SLC7A2: variants seen among roughly 807,000 people sequenced by gnomAD.
The protein encoded by SLC7A2 is cationic amino acid transporter 2.
Under a neutral mutation model 58.9 loss-of-function variants are expected in SLC7A2, and 48 were observed. The observed-to-expected ratio is 0.82, with a 90% CI of 0.65 to 1.04. The LOEUF is 1.04. Among genes scored for constraint, SLC7A2 ranks in the 50% least tolerant of loss-of-function variants. SLC7A2 has a pLI of 0.00. For missense variants in SLC7A2, 1,029 were observed against 818.8 expected, an observed-to-expected ratio of 1.26 and a Z score of -3.13; for synonymous variants, 363 against 314.5, an observed-to-expected ratio of 1.15 and a Z score of -1.63.
rs549116735 is a variant in SLC7A2 at position 17,502,711 on chromosome 8, T to C, written c.-23+409T>C. On this transcript the variant is annotated intron_variant, in intron 2 of 12. Coordinates refer to ENST00000494857, the MANE Select transcript of SLC7A2 (RefSeq NM_001370338.1). Reference sequence around the variant, plus strand: ...ACAGTTTTTAGTCTACTCAGGCAGATTATTTAAAGGAATCCTGGAATGAGT... The same window carrying C: ...ACAGTTTTTAGTCTACTCAGGCAGACTATTTAAAGGAATCCTGGAATGAGT... Among the ~76,000 whole-genome samples, 6 of 152,236 alleles carry C rather than the reference T, an allele frequency of 3.9e-5. No homozygotes were observed. The East Asian group carries it at 1.2e-3, about 30-fold the overall frequency.
chr8:17,567,970 C>T lies in SLC7A2; in HGVS notation c.*2824C>T, dbSNP rs1319589588. On this transcript the variant is annotated 3_prime_UTR_variant, in exon 13 of 13. Coordinates refer to ENST00000494857, the MANE Select transcript of SLC7A2 (RefSeq NM_001370338.1). ...TTAGCAAAAGTCAGTATCACCAGCT[C>T]TTTGGCACCTTTCTGTTTCTGCTTG... 6.6e-6 allele frequency: 1 copy of T among 151,664 alleles called. No individual in the cohort carries two copies. The highest frequency in any genetic ancestry group is 1.5e-5 in the Non-Finnish European group (1 of 68,008). 9.4% of individuals were successfully genotyped at this position (151,664 alleles called of 1,614,324 possible).
upstream of SLC7A2, among the ~76,000 whole-genome samples, chr8:17,496,802 C>G (rs1799968872): frequency 6.6e-6 from 1 of 152,234 alleles, no homozygotes; most frequent in East Asian, 1.9e-4. Flanking sequence ...TTTGGTCCTC[C>G]CAGGAGAGCA....
intron 9 of SLC7A2, among the ~76,000 whole-genome samples, chr8:17,559,436 G>T (rs147776719): frequency 1.3e-5 from 2 of 152,206 alleles, no homozygotes; most frequent in East Asian, 3.9e-4. Context: ...CATGGTGGTG[G>T]GCACCTGTTG....
chr8:17,554,628 A>C lies in SLC7A2; in HGVS notation c.1124A>C (p.Lys375Thr). 6.2e-7 allele frequency: 1 copy of C among 1,613,522 alleles called. No individual in the cohort carries two copies. Among genetic ancestry groups the C allele is most frequent in the African/African-American group, 1.3e-5 (1 of 75,016 alleles). ...YAMAEDGLLFKCLAQINSKTK... is the reference protein window; with the variant it reads ...YAMAEDGLLFTCLAQINSKTK... ...ATGGCGGAGGATGGGTTGCTTTTCAAATGTCTAGCTCAAATCAATTCCAAA... is the reference window on the plus strand; with the variant it reads ...ATGGCGGAGGATGGGTTGCTTTTCACATGTCTAGCTCAAATCAATTCCAAA... The change falls in exon 8 of 13, where the codon AAA (lysine) becomes ACA (threonine). Residue 375 changes from lysine (K) to threonine (T), a missense_variant. Lys to Thr is a moderately conservative substitution (Grantham distance 78, BLOSUM62 -1). Coordinates refer to ENST00000494857, the MANE Select transcript of SLC7A2 (RefSeq NM_001370338.1).
At chr8:17,555,201 A>G (rs761399134) in intron 8 of SLC7A2, 31 of 882,836 alleles carry the variant, frequency 3.5e-5, no homozygotes, top group Non-Finnish European at 4.7e-5. Context: ...AAAATCACTG[A>G]TAAAAATTAG....
At chr8:17,508,338 T>G (rs1307128167) in intron 2 of SLC7A2, among the ~76,000 whole-genome samples, 1 of 152,208 alleles carries the variant, frequency 6.6e-6, no homozygotes, top group East Asian at 1.9e-4. Flanking sequence ...CAAACAACCT[T>G]ATTGTTACTC....
At chr8:17,543,214 A>G in intron 2 of SLC7A2, 104 bp from the exon 3 acceptor site, 1 of 987,054 alleles carries the variant, frequency 1.0e-6, no homozygotes, top group Non-Finnish European at 1.5e-6. Flanking sequence ...ACACACACAC[A>G]CAAACACACA....
intron 12 of SLC7A2, 25 bp from the exon 13 acceptor site, chr8:17,564,925 A>ATTT: frequency 8.4e-7 from 1 of 1,194,792 alleles, no homozygotes. Context: ...TGAAACATTG[A>ATTT]TTTTTTTTTT....
intron 2 of SLC7A2, among the ~76,000 whole-genome samples, chr8:17,530,584 T>C (rs1322892939): frequency 6.6e-6 from 1 of 151,836 alleles, no homozygotes. Context: ...TTTTTTTTTT[T>C]TTTTTTGAGA....
At chr8:17,501,213 C>G (rs191832284) in intron 1 of SLC7A2, among the ~76,000 whole-genome samples, 1 of 152,126 alleles carries the variant, frequency 6.6e-6, no homozygotes, top group Non-Finnish European at 1.5e-5. Context: ...GGGGTTTCAC[C>G]ATGTTGCCCA....
intron 2 of SLC7A2, among the ~76,000 whole-genome samples, chr8:17,537,070 A>G (rs1476941377): frequency 6.6e-6 from 1 of 151,798 alleles, no homozygotes; most frequent in African/African-American, 2.4e-5. Flanking sequence ...TTATTTAGTT[A>G]TTTTCAGATG....
At chr8:17,535,360 C>T (rs1801619619) in intron 2 of SLC7A2, among the ~76,000 whole-genome samples, 2 of 152,118 alleles carry the variant, frequency 1.3e-5, no homozygotes, top group South Asian at 2.1e-4. Flanking sequence ...ACATAGCTGT[C>T]TCCAGGAAGA....
Position 17,565,394 on chromosome 8 carries a change from G to C in SLC7A2, c.*248G>C, listed in dbSNP as rs934122068. The C allele has an allele frequency of 2.1e-6, 1 of 468,342 alleles. No homozygotes were observed. The highest frequency in any genetic ancestry group is 3.8e-6 in the Non-Finnish European group (1 of 262,060). 29.0% of individuals were successfully genotyped at this position (468,342 alleles called of 1,614,324 possible). On this transcript the variant is annotated 3_prime_UTR_variant, in exon 13 of 13. Transcript: ENST00000494857. ...CCAAACAGTGGGAGTGTGTATGTAT[G>C]TGTGTATGTATGTATCTATGTATAT...
At chr8:17,505,685 T>C (rs1052245001) in intron 2 of SLC7A2, among the ~76,000 whole-genome samples, 14 of 151,998 alleles carry the variant, frequency 9.2e-5, no homozygotes, top group African/African-American at 3.1e-4. Context: ...AGAAAAAAAA[T>C]GGGTAAGCAT....
chr8:17,568,424 C>T lies in SLC7A2; in HGVS notation c.*3278C>T, dbSNP rs1039640422. 6 of 151,756 alleles carry T rather than the reference C, an allele frequency of 4.0e-5. No individual in the cohort carries two copies. Among genetic ancestry groups the T allele is most frequent in the Non-Finnish European group, 8.8e-5 (6 of 67,960 alleles). 9.4% of individuals were successfully genotyped at this position (151,756 alleles called of 1,614,324 possible). The stretch of plus-strand genomic sequence containing the variant: ...TCCCCAGAGATAAACATTGAGAGAA[C>T]GAAAGCCAAAGTGTCATTTAAGAGA... On this transcript the variant is annotated 3_prime_UTR_variant, in exon 13 of 13. Coordinates refer to ENST00000494857, the MANE Select transcript of SLC7A2 (RefSeq NM_001370338.1).
In SLC7A2 at chr8:17,554,645, A is replaced by C; in HGVS notation, c.1141A>C (p.Asn381His). The change falls in exon 8 of 13, where the codon AAT (asparagine) becomes CAT (histidine). Residue 381 changes from asparagine to histidine, a missense_variant. Physicochemically the swap from Asn to His is moderately conservative, Grantham distance 68 (BLOSUM62 1). Coordinates refer to ENST00000494857, the MANE Select transcript of SLC7A2 (RefSeq NM_001370338.1). ...GLLFKCLAQI[N>H]SKTKTPIIAT... ...GCTTTTCAAATGTCTAGCTCAAATC[A>C]ATTCCAAAACGAAGACACCAATAAT... The C allele has an allele frequency of 6.2e-7, 1 of 1,613,586 alleles. No individual in the cohort carries two copies. The highest frequency in any genetic ancestry group is 1.1e-5 in the South Asian group (1 of 90,978).
intron 2 of SLC7A2, among the ~76,000 whole-genome samples, chr8:17,540,204 T>C (rs1313930869): frequency 6.6e-6 from 1 of 152,202 alleles, no homozygotes; most frequent in Non-Finnish European, 1.5e-5. Flanking sequence ...GTTTTTTCCT[T>C]ACTTTTCTCC....
chr8:17,533,139 G>T (rs143049349), intron 2 of SLC7A2, among the ~76,000 whole-genome samples: 100 of 152,230 alleles, frequency 6.6e-4, no homozygotes, highest in African/African-American at 2.3e-3. Flanking sequence ...AGCACACAAT[G>T]GGAGTATTTT....
At chr8:17,536,155 GC>G (rs750218869) in intron 2 of SLC7A2, among the ~76,000 whole-genome samples, 13 of 151,692 alleles carry the variant, frequency 8.6e-5, no homozygotes, top group Non-Finnish European at 1.8e-4. Context: ...GTACTGTAGA[GC>G]CCTTGGTATT....
Sources: gnomAD v4.1 joint callset for allele counts (sites outside exome capture counted in the v4.1 genomes callset) on GRCh38, gnomAD v4.1.1 for gene constraint, MANE v1.5 for transcripts, NCBI Gene and HGNC (gene_info 2026-07-23, HGNC 2026-07-21) for gene names.